The following PPP1R42 variants were observed in gnomAD, a reference collection of about 807,000 sequenced individuals.
The protein encoded by PPP1R42 is protein phosphatase 1 regulatory subunit 42.
In PPP1R42, 34 loss-of-function variants were observed where a neutral mutation model predicts 31.0. The observed-to-expected ratio is 1.10, with a 90% CI of 0.83 to 1.46. The LOEUF (loss-of-function observed/expected upper bound fraction) is 1.46. PPP1R42 is among the 40% of genes most tolerant of loss of function. The pLI is 0.00. For missense variants in PPP1R42, 268 were observed against 303.0 expected, an observed-to-expected ratio of 0.88 and a Z score of 0.86; for synonymous variants, 103 against 109.8, an observed-to-expected ratio of 0.94 and a Z score of 0.39.
At position 67,028,544 on chromosome 8, in the gene PPP1R42, CG is replaced by C; in HGVS notation, c.-139del. 1 of 985,516 alleles carries C rather than the reference CG, an allele frequency of 1.0e-6. No homozygotes were observed. The highest frequency in any genetic ancestry group is 1.2e-6 in the Non-Finnish European group (1 of 829,958). The allele number at this position is 985,516 out of a possible 1,614,324, so 61.0% of individuals were successfully genotyped here. On this transcript the variant is annotated 5_prime_UTR_variant, in exon 1 of 8. Transcript: ENST00000685739. ...CCAGTTTGGTCGGTTTCATCGGCGC[CG>C]GGTCCCTACGCAGACCAGCGGCGGT...
intron 1 of PPP1R42, among the ~76,000 whole-genome samples, chr8:67,018,601 C>T (rs1816092823): frequency 6.6e-6 from 1 of 151,654 alleles, no homozygotes. Flanking sequence ...CAACCTCCGT[C>T]TCCTGGGTTC....
At chr8:66,988,899 G>A (rs1815106778) in intron 5 of PPP1R42, among the ~76,000 whole-genome samples, 1 of 151,918 alleles carries the variant, frequency 6.6e-6, no homozygotes, top group South Asian at 2.1e-4. Context: ...GTGATTGTAA[G>A]GAATGTGTGT....
chr8:67,001,561 C>T (rs1287761950), intron 5 of PPP1R42, among the ~76,000 whole-genome samples: 1 of 151,146 alleles, frequency 6.6e-6, no homozygotes, highest in African/African-American at 2.4e-5. Flanking sequence ...TTTGAGTTTC[C>T]CTTATTGGCT....
At chr8:67,000,321 T>C (rs1815446217) in intron 5 of PPP1R42, among the ~76,000 whole-genome samples, 1 of 152,168 alleles carries the variant, frequency 6.6e-6, no homozygotes, top group Admixed American at 6.5e-5. Context: ...CATTCAAAGC[T>C]ATAACTTTCC....
chr8:67,008,339 T>C (rs1585673357), intron 5 of PPP1R42, among the ~76,000 whole-genome samples: 1 of 152,154 alleles, frequency 6.6e-6, no homozygotes, highest in East Asian at 1.9e-4. Context: ...CTACTGTAAA[T>C]ATTTTTTAAT....
At chr8:66,984,341 C>G in intron 6 of PPP1R42, 2 of 1,275,510 alleles carry the variant, frequency 1.6e-6, no homozygotes, top group Non-Finnish European at 2.3e-6. Flanking sequence ...TCCTCATGAT[C>G]ATCTCCCTTT....
chr8:66,995,324 T>C (rs1020667161), intron 5 of PPP1R42, among the ~76,000 whole-genome samples: 4 of 152,236 alleles, frequency 2.6e-5, no homozygotes, highest in African/African-American at 9.6e-5. Flanking sequence ...GCAATGTCTA[T>C]ATTCAGAATG....
intron 7 of PPP1R42, among the ~76,000 whole-genome samples, chr8:66,979,778 A>G (rs1814776775): frequency 6.6e-6 from 1 of 151,982 alleles, no homozygotes; most frequent in Non-Finnish European, 1.5e-5. Flanking sequence ...TAGGGATTGC[A>G]TTGTATAGAT....
At chr8:66,984,061 T>C (rs1814927936) in intron 6 of PPP1R42, 1 of 1,422,666 alleles carries the variant, frequency 7.0e-7, no homozygotes. Flanking sequence ...TGGGAGTGGG[T>C]TGGGAAACAG....
In PPP1R42 at chr8:66,964,224, T is replaced by C. The variant is rs994294619; in HGVS notation, c.*97A>G. 3 of 822,244 alleles carry C rather than the reference T, an allele frequency of 3.6e-6. No homozygotes were observed. The highest frequency in any genetic ancestry group is 3.5e-5 in the African/African-American group (2 of 56,954). The allele number at this position is 822,244 out of a possible 1,614,324, so 50.9% of individuals were successfully genotyped here. ...GTTTCCTGTCACTTGAGGCTGAATT[T>C]ACTCATTTTCCACAAACAAATTTTC... On this transcript the variant is annotated 3_prime_UTR_variant, in exon 8 of 8. Coordinates refer to ENST00000685739, the MANE Select transcript of PPP1R42 (RefSeq NM_001364910.1).
intron 5 of PPP1R42, among the ~76,000 whole-genome samples, chr8:67,005,907 G>T (rs1471797420): frequency 6.6e-6 from 1 of 152,020 alleles, no homozygotes; most frequent in Non-Finnish European, 1.5e-5. Context: ...AATGCTTTCA[G>T]TGGCTTTCTA....
At chr8:67,005,327 T>G (rs1320946484) in intron 5 of PPP1R42, among the ~76,000 whole-genome samples, 1 of 152,108 alleles carries the variant, frequency 6.6e-6, no homozygotes, top group African/African-American at 2.4e-5. Context: ...TTTTCTCTTC[T>G]TCTACATCAT....
At chr8:66,977,445 C>T (rs143768921) in intron 7 of PPP1R42, among the ~76,000 whole-genome samples, 233 of 152,038 alleles carry the variant, frequency 1.5e-3, no homozygotes, top group Non-Finnish European at 2.7e-3. Context: ...TCAAGCAATC[C>T]CCCTGCCTGA....
At chr8:67,027,365 G>A (rs1352457991) in intron 1 of PPP1R42, among the ~76,000 whole-genome samples, 1 of 152,160 alleles carries the variant, frequency 6.6e-6, no homozygotes, top group Non-Finnish European at 1.5e-5. Context: ...GATAATTTTG[G>A]AAAAGGACAG....
At chr8:67,024,942 T>G (rs1472674207) in intron 1 of PPP1R42, among the ~76,000 whole-genome samples, 2 of 151,086 alleles carry the variant, frequency 1.3e-5, no homozygotes, top group African/African-American at 4.9e-5. Context: ...TTAATTTTTT[T>G]TTTTTTTTTT....
intron 6 of PPP1R42, chr8:66,984,656 G>A: frequency 7.0e-7 from 1 of 1,423,310 alleles, no homozygotes; most frequent in East Asian, 2.3e-5. Flanking sequence ...ACCTTTCTGT[G>A]TTTTGCTGTG....
intron 7 of PPP1R42, among the ~76,000 whole-genome samples, chr8:66,965,529 G>A (rs545986305): frequency 7.3e-5 from 11 of 150,512 alleles, no homozygotes; most frequent in East Asian, 2.0e-4. Flanking sequence ...CTTGAACTCC[G>A]GGGATCAAGT....
chr8:66,980,684 C>G (rs1250016943), intron 7 of PPP1R42, among the ~76,000 whole-genome samples: 1 of 152,122 alleles, frequency 6.6e-6, no homozygotes, highest in Non-Finnish European at 1.5e-5. Flanking sequence ...TACAGTGTCC[C>G]CATTTCCCTT....
chr8:66,992,276 C>T (rs1198958289), intron 5 of PPP1R42, among the ~76,000 whole-genome samples: 2 of 151,900 alleles, frequency 1.3e-5, no homozygotes, highest in Non-Finnish European at 2.9e-5. Flanking sequence ...TTAAAGTTTC[C>T]ACCATCTCTC....
Sources: gnomAD v4.1 joint callset for allele counts (sites outside exome capture counted in the v4.1 genomes callset) on GRCh38, gnomAD v4.1.1 for gene constraint, MANE v1.5 for transcripts, NCBI Gene and HGNC (gene_info 2026-07-23, HGNC 2026-07-21) for gene names.